KIF15: variants seen among roughly 807,000 people sequenced by gnomAD.
KIF15 encodes kinesin-like protein KIF15.
In KIF15, 140 loss-of-function variants were observed where a neutral mutation model predicts 190.6. The observed-to-expected ratio is 0.73, with a 90% confidence interval of 0.64 to 0.84. The LOEUF is 0.84. KIF15 is among the 40% of genes least tolerant of loss of function. The probability of loss-of-function intolerance (pLI) is 0.00; values close to 1 mark genes in which losing one functional copy is unlikely to be tolerated. For missense variants in KIF15, 1,372 were observed against 1,584.4 expected, an observed-to-expected ratio of 0.87 and a Z score of 2.28; for synonymous variants, 528 against 551.3, an observed-to-expected ratio of 0.96 and a Z score of 0.59.
At chr3:44,776,249 T>G (rs979362707) in intron 3 of KIF15, among the ~76,000 whole-genome samples, 1 of 151,768 alleles carries the variant, frequency 6.6e-6, no homozygotes, top group Admixed American at 6.6e-5. Flanking sequence ...TCTTTTTTTT[T>G]TTTCCCCCCA....
chr3:44,800,671 G>C (rs1707225304), intron 11 of KIF15, among the ~76,000 whole-genome samples: 1 of 152,180 alleles, frequency 6.6e-6, no homozygotes, highest in Admixed American at 6.5e-5. Flanking sequence ...GTGCTAAAAA[G>C]AGATTAATTT....
rs550789370 is a variant in KIF15, at chr3:44,821,952, T to C, written c.2550-4087T>C. On this transcript the variant is annotated intron_variant, in intron 20 of 34. Coordinates refer to ENST00000326047, the MANE Select transcript of KIF15 (RefSeq NM_020242.3). ...GCCCGGCCAACACAGCGAAACCCCG[T>C]CTCCACCAAAAAAATACGAAAACCA... 9.9e-5 allele frequency among the ~76,000 whole-genome samples: 15 copies of C among 152,228 alleles called. No individual in the cohort carries two copies. In the South Asian group the frequency reaches 3.1e-3, roughly 32 times the overall value.
At chr3:44,801,262 A>C (rs1707264939) in intron 11 of KIF15, among the ~76,000 whole-genome samples, 188 bp from the exon 12 acceptor site, 1 of 151,456 alleles carries the variant, frequency 6.6e-6, no homozygotes, top group African/African-American at 2.4e-5. Context: ...TGCTGACCTC[A>C]AGAAAGATAT....
At chr3:44,865,000 T>C in intron 6 of KIF15, 1 of 1,609,722 alleles carries the variant, frequency 6.2e-7, no homozygotes, top group Non-Finnish European at 8.5e-7. Flanking sequence ...TGTGCCCACC[T>C]GCTGAAGTTG....
intron 19 of KIF15, 62 bp from the exon 20 acceptor site, chr3:44,814,849 C>A: frequency 7.4e-7 from 1 of 1,359,030 alleles, no homozygotes; most frequent in Non-Finnish European, 1.0e-6. Flanking sequence ...GGACTAGTAC[C>A]TATCAGATTT....
At chr3:44,838,213 T>A in intron 26 of KIF15, 62 bp from the exon 27 acceptor site, 3 of 1,504,790 alleles carry the variant, frequency 2.0e-6, no homozygotes, top group Non-Finnish European at 1.8e-6. Context: ...TACATAGTAA[T>A]GATTTGGGAA....
At chr3:44,786,365 A>G in intron 6 of KIF15, 30 bp from the exon 7 acceptor site, 1 of 1,559,164 alleles carries the variant, frequency 6.4e-7, no homozygotes, top group Non-Finnish European at 8.7e-7. Flanking sequence ...CATGAAAATA[A>G]TGTATCTAAA....
At chr3:44,850,642 T>A (rs939001044) in intron 32 of KIF15, among the ~76,000 whole-genome samples, 1 of 152,194 alleles carries the variant, frequency 6.6e-6, no homozygotes, top group East Asian at 1.9e-4. Flanking sequence ...TTTGTGAAGA[T>A]GCTTTTAAAA....
At chr3:44,799,412 G>A (rs146854088) in intron 10 of KIF15, 2 of 449,894 alleles carry the variant, frequency 4.4e-6, no homozygotes, top group Admixed American at 2.4e-5. Flanking sequence ...GAAGACCTTG[G>A]GGCTGTCACA....
chr3:44,767,426 G>T (rs1157391805), intron 1 of KIF15, among the ~76,000 whole-genome samples: 1 of 152,194 alleles, frequency 6.6e-6, no homozygotes, highest in Non-Finnish European at 1.5e-5. Flanking sequence ...AACAGGGTCA[G>T]GGATGACTAT....
chr3:44,825,119 A>C (rs1157165634), intron 20 of KIF15, among the ~76,000 whole-genome samples: 1 of 152,200 alleles, frequency 6.6e-6, no homozygotes, highest in African/African-American at 2.4e-5. Context: ...CTCCAGTTTA[A>C]GTACATCATT....
At chr3:44,831,324 C>T (rs988929213) in intron 26 of KIF15, among the ~76,000 whole-genome samples, 1 of 152,120 alleles carries the variant, frequency 6.6e-6, no homozygotes, top group African/African-American at 2.4e-5. Flanking sequence ...TATTTGTATA[C>T]TACTAATGTA....
At chr3:44,795,391 G>A (rs1212055440) in intron 8 of KIF15, among the ~76,000 whole-genome samples, 3 of 152,052 alleles carry the variant, frequency 2.0e-5, no homozygotes, top group Admixed American at 1.3e-4. Flanking sequence ...AAGCAGGCCC[G>A]GATTATCAAG....
chr3:44,861,587 T>A (rs915965240), intron 6 of KIF15, among the ~76,000 whole-genome samples: 1 of 152,126 alleles, frequency 6.6e-6, no homozygotes, highest in South Asian at 2.1e-4. Flanking sequence ...GCATCTTTAA[T>A]AAGTTTCACC....
intron 26 of KIF15, among the ~76,000 whole-genome samples, chr3:44,833,422 T>C (rs1698164661): frequency 6.6e-6 from 1 of 151,940 alleles, no homozygotes; most frequent in African/African-American, 2.4e-5. Context: ...AGCCCTGAGC[T>C]TGTTTTCCTG....
Position 44,828,088 on chromosome 3 carries a change from A to G in KIF15, c.2857-126A>G, listed in dbSNP as rs1697773882. ...TCACTGTCTTTCAACCCAATTTATC[A>G]TTTTCAAGTATTACTCCTAGCATAG... is the stretch of plus-strand genomic sequence containing the variant. On this transcript the variant is annotated intron_variant, in intron 23 of 34. Coordinates refer to ENST00000326047, the MANE Select transcript of KIF15 (RefSeq NM_020242.3). 1.9e-5 allele frequency: 12 copies of G among 621,754 alleles called. 1 individual carries two copies. Among genetic ancestry groups the G allele is most frequent in the Middle Eastern group, 3.3e-4 (1 of 3,038 alleles). 38.5% of individuals were successfully genotyped at this position (621,754 alleles called of 1,614,324 possible).
intron 6 of KIF15, among the ~76,000 whole-genome samples, chr3:44,859,160 G>C (rs573444953): frequency 1.3e-5 from 2 of 152,254 alleles, no homozygotes; most frequent in Non-Finnish European, 2.9e-5. Flanking sequence ...CCTGTGGGAG[G>C]CGGTCCTGGA....
At chr3:44,851,417 G>A (rs1452429178) in intron 32 of KIF15, among the ~76,000 whole-genome samples, 1 of 152,242 alleles carries the variant, frequency 6.6e-6, no homozygotes, top group Non-Finnish European at 1.5e-5. Context: ...CCCACTGTCT[G>A]AGGACCAGTT....
At chr3:44,785,002 C>A in intron 6 of KIF15, 60 bp downstream of exon 6, 5 of 825,200 alleles carry the variant, frequency 6.1e-6, no homozygotes, top group African/African-American at 1.7e-5. Flanking sequence ...TAGGTAGCTA[C>A]TGATAATTAG....
Sources: gnomAD v4.1 joint callset for allele counts (sites outside exome capture counted in the v4.1 genomes callset) on GRCh38, gnomAD v4.1.1 for gene constraint, MANE v1.5 for transcripts, NCBI Gene and HGNC (gene_info 2026-07-23, HGNC 2026-07-21) for gene names.